The following TMEM41B variants were observed in gnomAD, a reference collection of about 807,000 sequenced individuals.
TMEM41B encodes the protein protein stasimon.
Under a neutral mutation model 31.9 loss-of-function variants are expected in TMEM41B, and 18 were observed. The ratio of observed to expected loss-of-function variants is 0.56; its 90% confidence interval spans 0.39 to 0.84. TMEM41B has a LOEUF of 0.84. Among genes scored for constraint, TMEM41B ranks in the 40% least tolerant of loss-of-function variants. TMEM41B has a pLI of 0.00. For synonymous variants in TMEM41B, 144 were observed against 124.3 expected (o/e 1.16, Z -1.05); for missense variants, 322 against 348.0 (o/e 0.93, Z 0.59).
At chr11:9,309,074 C>A (rs1203753977) in intron 1 of TMEM41B, among the ~76,000 whole-genome samples, 2 of 152,088 alleles carry the variant, frequency 1.3e-5, no homozygotes, top group African/African-American at 4.8e-5. Flanking sequence ...ACAGAGATAA[C>A]CCGTCTCTAC....
intron 6 of TMEM41B, among the ~76,000 whole-genome samples, chr11:9,285,088 C>CTTTTTTTTTTTTT (rs11405419): frequency 7.6e-6 from 1 of 131,208 alleles, no homozygotes; most frequent in African/African-American, 2.9e-5. Flanking sequence ...TTCCTTCTTT[C>CTTTTTTTTTTTTT]TTTTTTTTTT....
At chr11:9,308,685 T>A (rs1200308534) in intron 1 of TMEM41B, among the ~76,000 whole-genome samples, 1 of 152,202 alleles carries the variant, frequency 6.6e-6, no homozygotes, top group Non-Finnish European at 1.5e-5. Flanking sequence ...GGAAAACTGA[T>A]TTAGCTCTAT....
At chr11:9,303,207 C>T (rs370674413) in intron 1 of TMEM41B, among the ~76,000 whole-genome samples, 11 of 151,982 alleles carry the variant, frequency 7.2e-5, no homozygotes, top group African/African-American at 2.4e-4. Context: ...TTAGTAGAGA[C>T]GGGGTTTCAC....
intron 6 of TMEM41B, among the ~76,000 whole-genome samples, chr11:9,284,807 T>A (rs552526827): frequency 6.6e-6 from 1 of 151,738 alleles, no homozygotes; most frequent in Non-Finnish European, 1.5e-5. Context: ...TTCTAGCAAT[T>A]TCAAGGTCAA....
At position 9,306,693 on chromosome 11, in the gene TMEM41B, AAAAG is replaced by A. The variant is rs1339090143; in HGVS notation, c.122-6996_122-6993del. Reference sequence around the variant, plus strand: ...AGAGCGAGACTCCGTCTCAAAAAAAAAAAGAAAGCCAGAATCACGCTCTTGGCCT... The same window carrying A: ...AGAGCGAGACTCCGTCTCAAAAAAAAAAAGCCAGAATCACGCTCTTGGCCT... On this transcript the variant is annotated intron_variant, in intron 1 of 6. Transcript: ENST00000528080. Among the ~76,000 whole-genome samples, 20 of 152,216 alleles carry A rather than the reference AAAAG, an allele frequency of 1.3e-4. No individual in the cohort carries two copies. The East Asian group carries it at 3.1e-3, about 24-fold the overall frequency.
At position 9,281,356 on chromosome 11, in the gene TMEM41B, T is replaced by C. The variant is rs1852714637; in HGVS notation, c.*2068A>G. 6.6e-6 allele frequency: 1 copy of C among 152,154 alleles called. No individual in the cohort carries two copies. Among genetic ancestry groups the C allele is most frequent in the African/African-American group, 2.4e-5 (1 of 41,440 alleles). The allele number at this position is 152,154 out of a possible 1,614,324, so 9.4% of individuals were successfully genotyped here. ...AGAAAGCCTTGCTAGAAATAATAAA[T>C]AATCTCACGCAAAAGGCCAGGTGAC... is the stretch of plus-strand genomic sequence containing the variant. On this transcript the variant is annotated 3_prime_UTR_variant, in exon 7 of 7. Transcript: ENST00000528080.
At chr11:9,289,399 G>A (rs1852905263) in intron 3 of TMEM41B, among the ~76,000 whole-genome samples, 1 of 151,406 alleles carries the variant, frequency 6.6e-6, no homozygotes, top group African/African-American at 2.4e-5. Flanking sequence ...TTACTCACAA[G>A]TCAAAGTGAA....
At chr11:9,296,396 C>A (rs947456416) in intron 2 of TMEM41B, among the ~76,000 whole-genome samples, 2 of 151,628 alleles carry the variant, frequency 1.3e-5, no homozygotes, top group African/African-American at 4.8e-5. Flanking sequence ...GAAGCCGAGG[C>A]GGGTGGATCG....
In TMEM41B at chr11:9,282,380, A is replaced by G. The variant is rs1311888621; in HGVS notation, c.*1044T>C. 1 of 140,202 alleles carries G rather than the reference A, an allele frequency of 7.1e-6. No homozygotes were observed. Among genetic ancestry groups the G allele is most frequent in the Non-Finnish European group, 1.5e-5 (1 of 65,500 alleles). The allele number at this position is 140,202 out of a possible 1,614,324, so 8.7% of individuals were successfully genotyped here. A position where few individuals can be genotyped will look rare whatever the true frequency, so the allele number is the denominator to read the frequency against. ...CTGGGCAACAGCAAGACTCCGTCTCAAAAAAAAAAAAAATTATCAATACCA... is the reference window on the plus strand; with the variant it reads ...CTGGGCAACAGCAAGACTCCGTCTCGAAAAAAAAAAAAATTATCAATACCA... On this transcript the variant is annotated 3_prime_UTR_variant, in exon 7 of 7. Transcript: ENST00000528080.
intron 6 of TMEM41B, among the ~76,000 whole-genome samples, chr11:9,283,837 C>T (rs945208879): frequency 1.3e-5 from 2 of 150,558 alleles, no homozygotes; most frequent in African/African-American, 2.4e-5. Flanking sequence ...CCCGCTGGAA[C>T]ACGATGGCGC....
At chr11:9,286,424 G>C (rs1173551399) in intron 6 of TMEM41B, 31 bp downstream of exon 6, 2 of 1,594,562 alleles carry the variant, frequency 1.3e-6, no homozygotes, top group Admixed American at 1.8e-5. Flanking sequence ...TACACAGTGA[G>C]CTCATACACA....
intron 6 of TMEM41B, 152 bp from the exon 7 acceptor site, chr11:9,283,745 A>G (rs1411421767): frequency 3.0e-6 from 2 of 672,514 alleles, no homozygotes; most frequent in African/African-American, 3.8e-5. Flanking sequence ...TTATTTCCAT[A>G]TAAAGAATTC....
At chr11:9,303,273 G>A (rs1267036232) in intron 1 of TMEM41B, among the ~76,000 whole-genome samples, 1 of 151,904 alleles carries the variant, frequency 6.6e-6, no homozygotes, top group Non-Finnish European at 1.5e-5. Flanking sequence ...CAAGTAGCCG[G>A]GATTACAGAC....
chr11:9,314,081 T>C (rs1853627804), intron 1 of TMEM41B, among the ~76,000 whole-genome samples: 2 of 152,144 alleles, frequency 1.3e-5, no homozygotes, highest in Non-Finnish European at 2.9e-5. Flanking sequence ...AACAAGCCAG[T>C]GTCATCCCTT....
chr11:9,284,588 C>T (rs1471312836), intron 6 of TMEM41B, among the ~76,000 whole-genome samples: 1 of 151,984 alleles, frequency 6.6e-6, no homozygotes, highest in Admixed American at 6.6e-5. Context: ...CATGATGAAG[C>T]TCCATCTCTA....
chr11:9,295,950 G>A (rs1232207207), intron 2 of TMEM41B, among the ~76,000 whole-genome samples: 1 of 151,822 alleles, frequency 6.6e-6, no homozygotes, highest in Non-Finnish European at 1.5e-5. Context: ...TCCACCTCCT[G>A]GATTCAGGTG....
intron 2 of TMEM41B, among the ~76,000 whole-genome samples, chr11:9,299,321 T>TACACACACAC (rs1303303364): frequency 3.8e-4 from 4 of 10,530 alleles, no homozygotes; most frequent in East Asian, 4.1e-3. Context: ...TATATATACA[T>TACACACACAC]ACATACACAC....
At chr11:9,285,647 G>T (rs1852819745) in intron 6 of TMEM41B, among the ~76,000 whole-genome samples, 1 of 152,102 alleles carries the variant, frequency 6.6e-6, no homozygotes, top group Non-Finnish European at 1.5e-5. Context: ...TTAAAAGCAA[G>T]AAAGTTTGTT....
In TMEM41B at chr11:9,286,487, G is replaced by A. The variant is rs1489525478; in HGVS notation, c.674C>T (p.Pro225Leu). 1 of 1,611,632 alleles carries A rather than the reference G, an allele frequency of 6.2e-7. No homozygotes were observed. The change falls in exon 6 of 7, where the codon CCA (proline) becomes CTA (leucine). Residue 225 changes from proline (P) to leucine (L), a missense_variant. Around this residue, in one of 3 missense-constraint regions of TMEM41B, gnomAD observed 92 missense variants for 88.0 expected, o/e 1.05. Transcript: ENST00000528080. ...AGTACCAATAAAAAAAACTTTCAAT[G>A]GCACGTTTATCACAGGAGATGTGAT... ...INITSPVINV[P>L]LKVFFIGTFL... is the part of the protein sequence containing the mutation.
Sources: allele counts gnomAD v4.1 joint callset (sites outside exome capture counted in the v4.1 genomes callset), GRCh38; gene constraint gnomAD v4.1.1; regional missense constraint gnomAD v4.1.1; transcripts MANE v1.5; gene names NCBI Gene and HGNC (gene_info 2026-07-23, HGNC 2026-07-21).